The following KMT2D variants were observed in gnomAD, a reference collection of about 807,000 sequenced individuals.
KMT2D encodes lysine methyltransferase 2D, also known as histone-lysine N-methyltransferase 2D.
In KMT2D, 55 loss-of-function variants were observed where a neutral mutation model predicts 512.7. That is an observed-to-expected ratio of 0.11 (90% CI 0.09 to 0.13). The LOEUF is 0.13. Among genes scored for constraint, KMT2D ranks in the 10% least tolerant of loss-of-function variants. The pLI is 1.00. For synonymous variants in KMT2D, 2,995 were observed against 2,904.0 expected (o/e 1.03, Z -1.01); for missense variants, 6,061 against 7,127.9 (o/e 0.85, Z 5.39).
At chr12:49,045,150 C>A (rs1048379902) in intron 19 of KMT2D, among the ~76,000 whole-genome samples, 185 bp from the exon 20 acceptor site, 4 of 152,106 alleles carry the variant, frequency 2.6e-5, no homozygotes, top group African/African-American at 9.7e-5. Flanking sequence ...TGTCAGTGAC[C>A]CAGGGAGATT....
Position 49,038,339 on chromosome 12 carries a change from T to C in KMT2D, c.9017A>G (p.Asp3006Gly), listed in dbSNP as rs2120494784. ...DFDAHKALEDDEELAHLGLGV... is the reference protein window; with the variant it reads ...DFDAHKALEDGEELAHLGLGV... The stretch of plus-strand genomic sequence containing the variant: ...CAGACCCAGGTGAGCAAGCTCTTCA[T>C]CATCCTCTAGGGCCTTGTGGGCATC... Residue 3006 changes from aspartate (D) to glycine (G), a missense_variant, in exon 35 of 55, where the codon GAT becomes GGT. By Grantham distance (94) the Asp-to-Gly change is moderately conservative (BLOSUM62 -1). Coordinates refer to ENST00000301067, the MANE Select transcript of KMT2D (RefSeq NM_003482.4). This position sits in a 1 kb window ranked among gnomAD's most constrained non-coding sequence, Gnocchi z 5.7. The C allele has an allele frequency of 6.2e-7, 1 of 1,613,904 alleles. No homozygotes were observed. Among genetic ancestry groups the C allele is most frequent in the Non-Finnish European group, 8.5e-7 (1 of 1,179,894 alleles).
At position 49,046,689 on chromosome 12, in the gene KMT2D, A is replaced by G. The variant is rs1200120768; in HGVS notation, c.4338T>C (p.Asp1446=). The G allele has an allele frequency of 3.2e-5, 52 of 1,613,922 alleles. No individual in the cohort carries two copies. Among genetic ancestry groups the G allele is most frequent in the Non-Finnish European group, 4.4e-5 (52 of 1,179,874 alleles). The part of the protein sequence containing the change: ...ASDPSRLLLC[D]DCDISYHTYC... ...ATGTGTGGTAGCTAATATCACAGTC[A>G]TCACAGAGCAGCAGGCGTGAGGGGT... is the stretch of plus-strand genomic sequence containing the variant. Residue 1446 remains aspartate, a synonymous_variant, in exon 16 of 55, where the codon GAT becomes GAC. Coordinates refer to ENST00000301067, the MANE Select transcript of KMT2D (RefSeq NM_003482.4). The surrounding 1 kb of genome is among the most constrained non-coding windows in gnomAD (Gnocchi z 4.2).
rs1244914238 is a variant in KMT2D, at chr12:49,034,207, C to T, written c.10600G>A (p.Val3534Ile). 6.2e-7 allele frequency: 1 copy of T among 1,613,616 alleles called. No individual in the cohort carries two copies. The highest frequency in any genetic ancestry group is 8.5e-7 in the Non-Finnish European group (1 of 1,179,890). ...QLKVLEEQIG[V>I]HRKSRKALCA... ...AGAGCCTTCCGGGACTTGCGGTGTA[C>T]ACCAATCTGCTCCTCTAGCACCTTC... Residue 3534 changes from valine to isoleucine, a missense_variant, in exon 39 of 55, where the codon GTA becomes ATA. Physicochemically the swap from Val to Ile is conservative, Grantham distance 29 (BLOSUM62 3). This residue lies in a region of KMT2D where 50 missense variants were observed against 119.9 expected (regional missense o/e 0.42). Transcript: ENST00000301067.
intron 1 of KMT2D, among the ~76,000 whole-genome samples, chr12:49,056,918 G>A (rs565280886): frequency 6.6e-6 from 1 of 152,282 alleles, no homozygotes; most frequent in South Asian, 2.1e-4. Context: ...CCCCTCTGGA[G>A]ACATGTCACA....
In KMT2D at chr12:49,037,866, G is replaced by A. The variant is rs772446794; in HGVS notation, c.9490C>T (p.Arg3164Trp). 23 of 1,596,480 alleles carry A rather than the reference G, an allele frequency of 1.4e-5. No individual in the cohort carries two copies. Among genetic ancestry groups the A allele is most frequent in the Non-Finnish European group, 2.0e-5 (23 of 1,171,704 alleles). ...GGCCCTGTGCCCATCCGGGTATCCC[G>A]GCTGCCCATCATGCTCTGTCCTGGC... is the stretch of plus-strand genomic sequence containing the variant. ...LKPGQSMMGS[R>W]DTRMGTGPFS... Residue 3164 changes from arginine (R) to tryptophan (W), a missense_variant, in exon 35 of 55, where the codon CGG becomes TGG. This residue lies in a region of KMT2D where 533 missense variants were observed against 539.6 expected (regional missense o/e 0.99). Coordinates refer to ENST00000301067, the MANE Select transcript of KMT2D (RefSeq NM_003482.4).
chr12:49,018,985 A>C lies in KMT2D; in HGVS notation c.*2795T>G. 2 of 1,408,352 alleles carry C rather than the reference A, an allele frequency of 1.4e-6. No individual in the cohort carries two copies. Among genetic ancestry groups the C allele is most frequent in the Non-Finnish European group, 1.8e-6 (2 of 1,085,082 alleles). The allele number at this position is 1,408,352 out of a possible 1,614,324, so 87.2% of individuals were successfully genotyped here. On this transcript the variant is annotated 3_prime_UTR_variant, in exon 55 of 55. Coordinates refer to ENST00000301067, the MANE Select transcript of KMT2D (RefSeq NM_003482.4). ...ATGGGACGGAGCCGCTTGTATTTAA[A>C]ATGTTCTTTTTTTATTTGTCGTTTA...
At position 49,031,414 on chromosome 12, in the gene KMT2D, C is replaced by G; in HGVS notation, c.13291G>C (p.Val4431Leu). The part of the protein sequence containing the change: ...EEPCALGAQS[V>L]KREANGEPIG... ...GGCTCCCCATTGGCCTCCCTCTTCA[C>G]TGACTGGGCTCCCAGGGCACATGGC... Residue 4431 changes from valine to leucine, a missense_variant, in exon 40 of 55, where the codon GTG becomes CTG. This residue lies in a region of KMT2D where 1,600 missense variants were observed against 1,754.9 expected (regional missense o/e 0.91). Transcript: ENST00000301067. The G allele has an allele frequency of 6.2e-7, 1 of 1,613,772 alleles. No individual in the cohort carries two copies. Among genetic ancestry groups the G allele is most frequent in the South Asian group, 1.1e-5 (1 of 91,084 alleles).
In KMT2D at chr12:49,041,834, G is replaced by A. The variant is rs974411609; in HGVS notation, c.6183+83C>T. 1.3e-6 allele frequency: 2 copies of A among 1,522,720 alleles called. No homozygotes were observed. The highest frequency in any genetic ancestry group is 1.4e-5 in the African/African-American group (1 of 72,652). 94.3% of individuals were successfully genotyped at this position (1,522,720 alleles called of 1,614,324 possible). On this transcript the variant is annotated intron_variant, in intron 30 of 54. Transcript: ENST00000301067. This position sits in a 1 kb window ranked among gnomAD's most constrained non-coding sequence, Gnocchi z 5.4. ...GGCCCAGCTGCTTTAGGAGTGGGGA[G>A]CGGAAAGAACTGAGGTAAATTACCC...
rs894260483 is a variant in KMT2D at position 49,046,920 on chromosome 12, A to G, written c.4237-130T>C. The G allele has an allele frequency of 5.4e-6, 4 of 742,214 alleles. No homozygotes were observed. The African/African-American group carries it at 7.1e-5, about 13-fold the overall frequency. 46.0% of individuals were successfully genotyped at this position (742,214 alleles called of 1,614,324 possible). ...GAGTGCAATGGCGCGATCTCGGCTC[A>G]CTGCAACCTCTGCCTCTCAGGTACA... On this transcript the variant is annotated intron_variant, in intron 15 of 54. Coordinates refer to ENST00000301067, the MANE Select transcript of KMT2D (RefSeq NM_003482.4). The surrounding 1 kb of genome is among the most constrained non-coding windows in gnomAD (Gnocchi z 4.2).
In KMT2D at chr12:49,037,324, A is replaced by C. The variant is rs1455347835; in HGVS notation, c.10032T>G (p.Ala3344=). The part of the protein sequence containing the change: ...PPAHALQQRL[A]PSMAMVSNQG... ...GATTGGACACCATAGCCATGGATGGAGCCAGGCGTTGCTGGAGGGCATGAG... is the reference window on the plus strand; with the variant it reads ...GATTGGACACCATAGCCATGGATGGCGCCAGGCGTTGCTGGAGGGCATGAG... Residue 3344 remains alanine, a synonymous_variant, in exon 35 of 55, where the codon GCT becomes GCG. Transcript: ENST00000301067. The C allele has an allele frequency of 6.2e-7, 1 of 1,612,678 alleles. No homozygotes were observed. Among genetic ancestry groups the C allele is most frequent in the Non-Finnish European group, 8.5e-7 (1 of 1,179,502 alleles).
intron 12 of KMT2D, 46 bp downstream of exon 12, chr12:49,049,636 C>A (rs2120637115): frequency 6.6e-7 from 1 of 1,520,502 alleles, no homozygotes; most frequent in Non-Finnish European, 8.8e-7. Context: ...GTACCTCTGA[C>A]AGTGGGCTAA....
chr12:49,029,151 G>T lies in KMT2D; in HGVS notation c.14161C>A (p.Arg4721Ser), dbSNP rs777064703. 1.2e-6 allele frequency: 2 copies of T among 1,613,852 alleles called. No individual in the cohort carries two copies. Among genetic ancestry groups the T allele is most frequent in the Non-Finnish European group, 1.7e-6 (2 of 1,179,776 alleles). ...PESILGEEAP[R>S]FPHLGSGRWE... ...CGGCCTGAGCCCAGATGAGGGAAAC[G>T]AGGGGCCTCCTCCCCCAAGATGCTC... is the stretch of plus-strand genomic sequence containing the variant. Residue 4721 changes from arginine (R) to serine (S), a missense_variant, in exon 45 of 55, where the codon CGT (arginine) becomes AGT (serine). Physicochemically the swap from Arg to Ser is moderately radical, Grantham distance 110. This residue lies in a region of KMT2D where 1,600 missense variants were observed against 1,754.9 expected (regional missense o/e 0.91). Transcript: ENST00000301067.
rs1432534012 is a variant in KMT2D, at chr12:49,024,992, A to C, written c.15785-46T>G. The C allele has an allele frequency of 6.4e-7, 1 of 1,558,422 alleles. No individual in the cohort carries two copies. The highest frequency in any genetic ancestry group is 1.4e-5 in the African/African-American group (1 of 73,380). ...CAGTCCTCAGAGGCAACTTCTGCTC[A>C]CTGACCTCCAGTCCCTAACCCCAAT... On this transcript the variant is annotated intron_variant, in intron 49 of 54. Coordinates refer to ENST00000301067, the MANE Select transcript of KMT2D (RefSeq NM_003482.4). The surrounding 1 kb of genome is among the most constrained non-coding windows in gnomAD (Gnocchi z 4.5).
rs1447746752 is a variant in KMT2D, at chr12:49,037,430, G to T, written c.9926C>A (p.Ser3309Tyr). ...AAGACCCAGGGAAAGCTGCTGTTGG[G>T]ACCCAGCCAAACTGGGAGAAGAGCC... ...HEGSSPSLAG[S>Y]QQQLSLGLAG... Residue 3309 changes from serine (S) to tyrosine (Y), a missense_variant, in exon 35 of 55, where the codon TCC becomes TAC. Physicochemically the swap from Ser to Tyr is moderately radical, Grantham distance 144. This residue lies in a region of KMT2D where 533 missense variants were observed against 539.6 expected (regional missense o/e 0.99). Transcript: ENST00000301067. 1 of 1,593,194 alleles carries T rather than the reference G, an allele frequency of 6.3e-7. No individual in the cohort carries two copies. Among genetic ancestry groups the T allele is most frequent in the East Asian group, 2.3e-5 (1 of 43,918 alleles).
chr12:49,058,977 G>A (rs560475784), intron 1 of KMT2D, among the ~76,000 whole-genome samples: 1 of 152,130 alleles, frequency 6.6e-6, no homozygotes, highest in Admixed American at 6.5e-5. Flanking sequence ...CCAGGCAGGG[G>A]CAGTTTAAAG....
Position 49,037,106 on chromosome 12 carries a change from T to C in KMT2D, c.10231+19A>G, listed in dbSNP as rs772905946. ...ATAATCACCCTGAGTAACTTGGCTA[T>C]GTTACCAGCTGAGGTTACCTGTATC... On this transcript the variant is annotated intron_variant, in intron 35 of 54. Coordinates refer to ENST00000301067, the MANE Select transcript of KMT2D (RefSeq NM_003482.4). 2.5e-5 allele frequency: 38 copies of C among 1,542,088 alleles called. No homozygotes were observed. Among genetic ancestry groups the C allele is most frequent in the Admixed American group, 5.7e-5 (3 of 52,420 alleles).
At position 49,033,820 on chromosome 12, in the gene KMT2D, T is replaced by G. The variant is rs1244316252; in HGVS notation, c.10885A>C (p.Thr3629Pro). The change falls in exon 40 of 55, where the codon ACC (threonine) becomes CCC (proline). Residue 3629 changes from threonine (T) to proline (P), a missense_variant. Thr to Pro is a conservative substitution (Grantham distance 38). Coordinates refer to ENST00000301067, the MANE Select transcript of KMT2D (RefSeq NM_003482.4). ...GGGAGCAGCTGACCAGGGAGCTTGGTGAGCAGCCGGGGACTCTGGGAAGGG... is the reference window on the plus strand; with the variant it reads ...GGGAGCAGCTGACCAGGGAGCTTGGGGAGCAGCCGGGGACTCTGGGAAGGG... ...LSPSQSPRLL[T>P]KLPGQLLPGH... 1 of 1,586,428 alleles carries G rather than the reference T, an allele frequency of 6.3e-7. No homozygotes were observed. Among genetic ancestry groups the G allele is most frequent in the Admixed American group, 1.8e-5 (1 of 55,862 alleles).
intron 51 of KMT2D, among the ~76,000 whole-genome samples, chr12:49,023,156 T>G (rs939953120): frequency 1.3e-5 from 2 of 152,080 alleles, no homozygotes; most frequent in Admixed American, 6.6e-5. Flanking sequence ...CCAATTCCCC[T>G]ACACTGAGCC....
rs1942228426 is a variant in KMT2D at position 49,019,974 on chromosome 12, CA to C, written c.*1805del. On this transcript the variant is annotated 3_prime_UTR_variant, in exon 55 of 55. Transcript: ENST00000301067. ...ATCTGATTCTTGAAAATATTAATTACAAAATGCCCTTTGCCCACAGCCCCTA... is the reference window on the plus strand; with the variant it reads ...ATCTGATTCTTGAAAATATTAATTACAAATGCCCTTTGCCCACAGCCCCTA... 1 of 221,912 alleles carries C rather than the reference CA, an allele frequency of 4.5e-6. No individual in the cohort carries two copies. Among genetic ancestry groups the C allele is most frequent in the South Asian group, 1.8e-4 (1 of 5,420 alleles). The allele number at this position is 221,912 out of a possible 1,614,324, so 13.7% of individuals were successfully genotyped here. A position where few individuals can be genotyped will look rare whatever the true frequency, so the allele number is the denominator to read the frequency against.
Sources: gnomAD v4.1 joint callset for allele counts (sites outside exome capture counted in the v4.1 genomes callset) on GRCh38, gnomAD v4.1.1 for gene constraint, gnomAD v4.1.1 regional missense constraint, Gnocchi (gnomAD v3.1) non-coding constraint, MANE v1.5 for transcripts, NCBI Gene and HGNC (gene_info 2026-07-23, HGNC 2026-07-21) for gene names.